The following ZSCAN25 variants were observed in gnomAD, a reference collection of about 807,000 sequenced individuals.
ZSCAN25 encodes zinc finger and SCAN domain containing 25, also known as zinc finger and SCAN domain-containing protein 25.
In ZSCAN25, 27 loss-of-function variants were observed where a neutral mutation model predicts 38.7. The ratio of observed to expected loss-of-function variants is 0.70; its 90% CI spans 0.51 to 0.96. The LOEUF (loss-of-function observed/expected upper bound fraction) is 0.96. Among genes scored for constraint, ZSCAN25 ranks in the 40% least tolerant of loss-of-function variants. ZSCAN25 has a pLI of 0.00. For synonymous variants in ZSCAN25, 273 were observed against 277.7 expected (o/e 0.98, Z 0.17); for missense variants, 637 against 705.9 (o/e 0.90, Z 1.11).
rs763945620 is a variant in ZSCAN25, at chr7:99,619,632, C to T, written c.26C>T (p.Ala9Val). The change falls in exon 4 of 8, where the codon GCG (alanine) becomes GTG (valine). Residue 9 changes from alanine (A) to valine (V), a missense_variant. Transcript: ENST00000394152. Reference protein sequence around the residue: MLKEHPEMAEAPQQQLGIP... With the variant: MLKEHPEMVEAPQQQLGIP... ...ATGCTTAAAGAGCATCCAGAGATGG[C>T]GGAAGCTCCTCAGCAGCAGTTGGGT... 8 of 1,613,662 alleles carry T rather than the reference C, an allele frequency of 5.0e-6. No homozygotes were observed. Among genetic ancestry groups the T allele is most frequent in the East Asian group, 4.5e-5 (2 of 44,872 alleles).
Position 99,619,955 on chromosome 7 carries a change from G to A in ZSCAN25, c.349G>A (p.Val117Met). 1 of 1,614,064 alleles carries A rather than the reference G, an allele frequency of 6.2e-7. No individual in the cohort carries two copies. The highest frequency in any genetic ancestry group is 8.5e-7 in the Non-Finnish European group (1 of 1,180,042). ...GAGTGGCAAGGCCCTGGCCGCCATG[G>A]TGGAGGACCTGACAGAAAGAGCACT... is the stretch of plus-strand genomic sequence containing the variant. ...PESGKALAAM[V>M]EDLTERALEA... is the part of the protein sequence containing the mutation. Residue 117 changes from valine (V) to methionine (M), a missense_variant, in exon 4 of 8, where the codon GTG becomes ATG. By Grantham distance (21) the Val-to-Met change is conservative (BLOSUM62 1). Coordinates refer to ENST00000394152, the MANE Select transcript of ZSCAN25 (RefSeq NM_145115.3).
chr7:99,647,132 C>T, the ZSCAN25 span, among the ~76,000 whole-genome samples: 2 of 152,338 alleles, frequency 1.3e-5, no homozygotes, highest in Admixed American at 6.5e-5. Context: ...CTCAGGGATA[C>T]CCTCCTCACC....
Position 99,621,449 on chromosome 7 carries a change from G to A in ZSCAN25, c.464G>A (p.Gly155Glu), listed in dbSNP as rs763849131. 5 of 1,560,576 alleles carry A rather than the reference G, an allele frequency of 3.2e-6. No homozygotes were observed. The Admixed American group carries it at 5.4e-5, about 17-fold the overall frequency. ...RGAWEPGIQL[G>E]PVEVKPEWGM... is the part of the protein sequence containing the mutation. ...GCTTGGGAGCCAGGCATCCAGCTGG[G>A]GCCAGTGGAGGTCAAGCCTGAATGG... Residue 155 changes from glycine (G) to glutamate (E), a missense_variant, in exon 5 of 8, where the codon GGG becomes GAG. Gly to Glu is a moderately conservative substitution (Grantham distance 98). Coordinates refer to ENST00000394152, the MANE Select transcript of ZSCAN25 (RefSeq NM_145115.3).
chr7:99,717,189 A>T, the ZSCAN25 span: 2 of 1,613,770 alleles, frequency 1.2e-6, no homozygotes, highest in Non-Finnish European at 1.7e-6. Context: ...TTTCAAGGTG[A>T]CAGGCTTGCC....
chr7:99,704,490 T>C, the ZSCAN25 span, among the ~76,000 whole-genome samples: 113,678 of 151,762 alleles, frequency 0.75, 46,180 homozygotes, highest in Non-Finnish European at 0.91. Flanking sequence ...GGGGCTTCAC[T>C]ATGTTGGTCA....
the ZSCAN25 span, chr7:99,708,040 G>C: frequency 6.2e-7 from 1 of 1,610,936 alleles, no homozygotes; most frequent in Admixed American, 1.7e-5. Flanking sequence ...TACATGTTAG[G>C]GTTTCTTACT....
chr7:99,672,870 G>A, the ZSCAN25 span: 1 of 1,396,688 alleles, frequency 7.2e-7, no homozygotes, highest in African/African-American at 1.4e-5. Context: ...AGCCACCCAA[G>A]GCTTCATATG....
Position 99,631,749 on chromosome 7 carries a change from C to G in ZSCAN25, c.*1729C>G. ...TAGGCAGCATGGTGTCTAATTTTGG[C>G]TTAGCAAATGACGCTCCTTGGTCTT... On this transcript the variant is annotated 3_prime_UTR_variant, in exon 8 of 8. Transcript: ENST00000394152. 1 of 985,364 alleles carries G rather than the reference C, an allele frequency of 1.0e-6. No individual in the cohort carries two copies. Among genetic ancestry groups the G allele is most frequent in the Non-Finnish European group, 1.2e-6 (1 of 829,934 alleles). The allele number at this position is 985,364 out of a possible 1,614,324, so 61.0% of individuals were successfully genotyped here.
At chr7:99,672,042 T>TTTGTTGTTGTTGTTGTTGTTGTTG in the ZSCAN25 span, among the ~76,000 whole-genome samples, 108 of 151,842 alleles carry the variant, frequency 7.1e-4, no homozygotes, top group African/African-American at 2.4e-3. Context: ...TTTGCCGGTT[T>TTTGTTGTTGTTGTTGTTGTTGTTG]TTGTTGTTGT....
chr7:99,722,287 A>G, the ZSCAN25 span: 2 of 1,613,544 alleles, frequency 1.2e-6, no homozygotes, highest in South Asian at 1.1e-5. Context: ...AATCTTCCAG[A>G]ATACTCACCC....
the ZSCAN25 span, chr7:99,734,910 C>A: frequency 6.5e-7 from 1 of 1,537,524 alleles, no homozygotes; most frequent in South Asian, 1.1e-5. Context: ...TGTGAGCCAC[C>A]ACGGCCAGCC....
At chr7:99,722,570 T>A in the ZSCAN25 span, among the ~76,000 whole-genome samples, 1 of 152,202 alleles carries the variant, frequency 6.6e-6, no homozygotes, top group Admixed American at 6.5e-5. Flanking sequence ...TTGTCGATAC[T>A]GAATGTCTTA....
chr7:99,653,905 T>C, the ZSCAN25 span, among the ~76,000 whole-genome samples: 1 of 152,164 alleles, frequency 6.6e-6, no homozygotes, highest in Non-Finnish European at 1.5e-5. The surrounding 1 kb of genome is among the most constrained non-coding windows in gnomAD (Gnocchi z 4.2). Flanking sequence ...GGCCAGTGGC[T>C]ACCTGACTGG....
chr7:99,665,804 T>A, the ZSCAN25 span, among the ~76,000 whole-genome samples: 1 of 152,232 alleles, frequency 6.6e-6, no homozygotes, highest in East Asian at 1.9e-4. Flanking sequence ...AATATCATCC[T>A]TTATTCTCTA....
the ZSCAN25 span, among the ~76,000 whole-genome samples, chr7:99,690,610 A>G: frequency 6.6e-6 from 1 of 151,920 alleles, no homozygotes; most frequent in Non-Finnish European, 1.5e-5. Context: ...GAAAAAAACA[A>G]CCCCATCAAC....
chr7:99,708,043 T>G, the ZSCAN25 span: 1 of 1,610,632 alleles, frequency 6.2e-7, no homozygotes, highest in Admixed American at 1.7e-5. Context: ...ATGTTAGGGT[T>G]TCTTACTTAG....
At chr7:99,709,569 T>C in the ZSCAN25 span, among the ~76,000 whole-genome samples, 1 of 152,178 alleles carries the variant, frequency 6.6e-6, no homozygotes, top group Non-Finnish European at 1.5e-5. Context: ...TAATAGGCTA[T>C]GACCACTAGC....
At chr7:99,723,433 C>G in the ZSCAN25 span, among the ~76,000 whole-genome samples, 1 of 152,276 alleles carries the variant, frequency 6.6e-6, no homozygotes, top group Non-Finnish European at 1.5e-5. Context: ...CACTGCTTAC[C>G]CCAGTCCTAT....
Position 99,629,951 on chromosome 7 carries a change from C to T in ZSCAN25, c.1566C>T (p.Ser522=), listed in dbSNP as rs768065140. ...KPYHCPACGR[S]FNQRSILNRH... ...ACCACTGTCCTGCCTGCGGGCGAAG[C>T]TTCAACCAGAGGTCCATCCTCAACC... The change falls in exon 8 of 8, where the codon AGC becomes AGT. Residue 522 remains serine (S), a synonymous_variant. Coordinates refer to ENST00000394152, the MANE Select transcript of ZSCAN25 (RefSeq NM_145115.3). This position sits in a 1 kb window ranked among gnomAD's most constrained non-coding sequence, Gnocchi z 5.6. The T allele has an allele frequency of 1.9e-6, 3 of 1,612,464 alleles. No homozygotes were observed. The South Asian group carries it at 3.3e-5, about 18-fold the overall frequency.
Sources: allele counts gnomAD v4.1 joint callset (sites outside exome capture counted in the v4.1 genomes callset), GRCh38; gene constraint gnomAD v4.1.1; non-coding constraint Gnocchi (gnomAD v3.1); transcripts MANE v1.5; gene names NCBI Gene and HGNC (gene_info 2026-07-23, HGNC 2026-07-21).